AMPH: variants seen among roughly 807,000 people sequenced by gnomAD.
AMPH encodes amphiphysin.
AMPH carries 49 observed loss-of-function variants against 99.1 expected under a neutral mutation model. That is an observed-to-expected ratio of 0.49 (90% confidence interval 0.39 to 0.63). The LOEUF is 0.63. AMPH is among the 20% of genes least tolerant of loss of function. AMPH has a pLI of 0.00. For missense variants in AMPH, 759 were observed against 863.4 expected (o/e 0.88, Z 1.52); for synonymous variants, 314 against 317.3 (o/e 0.99, Z 0.11).
chr7:38,429,806 C>A (rs1785933939), intron 14 of AMPH, 36 bp downstream of exon 14: 3 of 1,593,306 alleles, frequency 1.9e-6, no homozygotes, highest in Non-Finnish European at 2.6e-6. Flanking sequence ...ATATCAAATA[C>A]CAAAAAAATC....
chr7:38,623,650 GCCAT>G (rs1794144083), intron 1 of AMPH, among the ~76,000 whole-genome samples: 1 of 152,148 alleles, frequency 6.6e-6, no homozygotes, highest in Non-Finnish European at 1.5e-5. Context: ...AGTAAACGTG[GCCAT>G]ATAAACTACT....
chr7:38,566,025 G>A (rs1584252056), intron 1 of AMPH, among the ~76,000 whole-genome samples: 1 of 152,088 alleles, frequency 6.6e-6, no homozygotes, highest in Admixed American at 6.6e-5. Flanking sequence ...TAGAAGAAAT[G>A]TGTTTTTTCA....
intron 1 of AMPH, among the ~76,000 whole-genome samples, chr7:38,561,323 T>C (rs1562828249): frequency 6.6e-6 from 1 of 152,216 alleles, no homozygotes; most frequent in Non-Finnish European, 1.5e-5. Context: ...ACCTGGTTCC[T>C]CTCATGAGGT....
chr7:38,458,383 A>G (rs2129006749), intron 11 of AMPH, among the ~76,000 whole-genome samples: 1 of 152,260 alleles, frequency 6.6e-6, no homozygotes, highest in East Asian at 1.9e-4. Context: ...CTTAATACCA[A>G]AACCAAACAA....
chr7:38,497,065 AT>A (rs1562791737), intron 3 of AMPH, among the ~76,000 whole-genome samples: 1 of 152,230 alleles, frequency 6.6e-6, no homozygotes, highest in Non-Finnish European at 1.5e-5. Flanking sequence ...GTGATGGATC[AT>A]TTGGACAGAA....
intron 2 of AMPH, among the ~76,000 whole-genome samples, chr7:38,522,335 T>C (rs964356184): frequency 2.0e-5 from 3 of 152,244 alleles, no homozygotes; most frequent in South Asian, 2.1e-4. Context: ...AGTATTGTTA[T>C]AGCCCATGGG....
At chr7:38,622,564 G>A (rs995640912) in intron 1 of AMPH, among the ~76,000 whole-genome samples, 1 of 152,046 alleles carries the variant, frequency 6.6e-6, no homozygotes, top group South Asian at 2.1e-4. Flanking sequence ...CTCTAGGGTA[G>A]TGTTTTTCAA....
At chr7:38,449,877 C>T (rs1400467891) in intron 11 of AMPH, among the ~76,000 whole-genome samples, 1 of 152,166 alleles carries the variant, frequency 6.6e-6, no homozygotes, top group Non-Finnish European at 1.5e-5. Flanking sequence ...GTGAGAGATG[C>T]ATATGTTCAT....
chr7:38,548,861 C>A (rs889980042), intron 1 of AMPH, among the ~76,000 whole-genome samples: 1 of 151,988 alleles, frequency 6.6e-6, no homozygotes, highest in Non-Finnish European at 1.5e-5. Flanking sequence ...TCACCCTAAT[C>A]TTTTATTACG....
chr7:38,588,244 C>T (rs1192531616), intron 1 of AMPH, among the ~76,000 whole-genome samples: 5 of 152,096 alleles, frequency 3.3e-5, no homozygotes, highest in Admixed American at 6.5e-5. Flanking sequence ...TGAGCTACCA[C>T]GCCTGGCCTT....
At chr7:38,439,933 C>T (rs1485633087) in intron 11 of AMPH, among the ~76,000 whole-genome samples, 1 of 152,148 alleles carries the variant, frequency 6.6e-6, no homozygotes, top group Non-Finnish European at 1.5e-5. Flanking sequence ...TTTTACTTCC[C>T]CATCCCTTAC....
At chr7:38,411,411 A>T (rs1230354199) in intron 17 of AMPH, among the ~76,000 whole-genome samples, 6 of 152,290 alleles carry the variant, frequency 3.9e-5, no homozygotes, top group Middle Eastern at 3.4e-3. Flanking sequence ...AAAGGAAGGG[A>T]TCTCTAATCT....
chr7:38,393,067 G>A (rs924243445), intron 18 of AMPH, among the ~76,000 whole-genome samples: 1 of 152,064 alleles, frequency 6.6e-6, no homozygotes, highest in Non-Finnish European at 1.5e-5. Context: ...ACTAACATTC[G>A]TCAACTTGGA....
At chr7:38,570,787 A>T (rs1334498179) in intron 1 of AMPH, among the ~76,000 whole-genome samples, 1 of 149,290 alleles carries the variant, frequency 6.7e-6, no homozygotes, top group East Asian at 2.0e-4. Flanking sequence ...GTCCTAGGAG[A>T]TGACAGCTGC....
intron 1 of AMPH, among the ~76,000 whole-genome samples, chr7:38,554,906 C>A (rs980630299): frequency 7.2e-5 from 11 of 152,194 alleles, no homozygotes; most frequent in Non-Finnish European, 1.3e-4. Flanking sequence ...CCTTAACCTG[C>A]ATAAGGTTAA....
intron 11 of AMPH, among the ~76,000 whole-genome samples, chr7:38,438,494 C>T (rs1276193333): frequency 6.6e-6 from 1 of 151,396 alleles, no homozygotes; most frequent in Non-Finnish European, 1.5e-5. Flanking sequence ...ATTAGGAACC[C>T]CAAAAATCTG....
At chr7:38,427,715 T>C (rs1302751886) in intron 14 of AMPH, 1 of 331,060 alleles carries the variant, frequency 3.0e-6, no homozygotes, top group East Asian at 7.9e-5. Flanking sequence ...TACATGACAA[T>C]CTGTTAGAGA....
chr7:38,407,021 C>CCTCTCTCTCTCTCT (rs71558121), intron 17 of AMPH, among the ~76,000 whole-genome samples: 167 of 3,680 alleles, frequency 0.045, 42 homozygotes, highest in East Asian at 0.087. Context: ...CTAATAGACT[C>CCTCTCTCTCTCTCT]CTCTCTCTCT....
rs551406900 is a variant in AMPH, at chr7:38,431,483, C to T, written c.1158+706G>A. 1.0e-3 allele frequency among the ~76,000 whole-genome samples: 153 copies of T among 152,080 alleles called. 1 individual carries two copies. The highest frequency in any genetic ancestry group is 1.6e-3 in the Non-Finnish European group (112 of 67,978). On this transcript the variant is annotated intron_variant, in intron 13 of 20. Coordinates refer to ENST00000356264, the MANE Select transcript of AMPH (RefSeq NM_001635.4). ...CCATCCTGGCTAACACGGTGAAACC[C>T]CATCTCTACTAAAAATACAAAAATT...
Sources: allele counts gnomAD v4.1 joint callset (sites outside exome capture counted in the v4.1 genomes callset), GRCh38; gene constraint gnomAD v4.1.1; transcripts MANE v1.5; gene names NCBI Gene and HGNC (gene_info 2026-07-23, HGNC 2026-07-21).